The following RIOX2 variants were observed in gnomAD, a reference collection of about 807,000 sequenced individuals.
RIOX2 encodes ribosomal oxygenase 2.
Under a neutral mutation model 51.2 loss-of-function variants are expected in RIOX2, and 43 were observed. That is an observed-to-expected ratio of 0.84 (90% CI 0.66 to 1.08). The LOEUF (loss-of-function observed/expected upper bound fraction) is 1.08. Among genes scored for constraint, RIOX2 ranks in the 50% least tolerant of loss-of-function variants. The probability of loss-of-function intolerance (pLI) is 0.00; values close to 1 mark genes in which losing one functional copy is unlikely to be tolerated. For missense variants in RIOX2, 566 were observed against 561.7 expected (o/e 1.01, Z -0.08); for synonymous variants, 226 against 218.5 (o/e 1.03, Z -0.30).
rs995384936 is a variant in RIOX2 at position 97,945,182 on chromosome 3, C to CACTAG, written c.1395_*1dup. On this transcript the variant is annotated 3_prime_UTR_variant, in exon 10 of 10. Transcript: ENST00000394198. The stretch of plus-strand genomic sequence containing the variant: ...TAGTAGGCATTTGATTCTGCAAAGG[C>CACTAG]ACTAGACTACTTGAATTAAACATTC... 50 of 1,607,602 alleles carry CACTAG rather than the reference C, an allele frequency of 3.1e-5. No individual in the cohort carries two copies. The highest frequency in any genetic ancestry group is 4.2e-5 in the Non-Finnish European group (50 of 1,177,174).
At chr3:97,958,659 T>C (rs532390261) in intron 4 of RIOX2, among the ~76,000 whole-genome samples, 1 of 152,338 alleles carries the variant, frequency 6.6e-6, no homozygotes, top group South Asian at 2.1e-4. Flanking sequence ...GGCTATGTTC[T>C]GCCTAAGCAA....
chr3:97,948,689 C>T (rs1705108991), intron 7 of RIOX2, among the ~76,000 whole-genome samples: 1 of 152,180 alleles, frequency 6.6e-6, no homozygotes, highest in African/African-American at 2.4e-5. Context: ...CTTCCATTTC[C>T]TGACAGCATC....
At chr3:97,971,447 T>C (rs1706127586) in intron 1 of RIOX2, 1 of 152,360 alleles carries the variant, frequency 6.6e-6, no homozygotes, top group African/African-American at 2.4e-5. Context: ...TGTAACAAGG[T>C]TGCCCAGACT....
At chr3:97,957,143 C>A (rs967911198) in intron 4 of RIOX2, among the ~76,000 whole-genome samples, 2 of 152,160 alleles carry the variant, frequency 1.3e-5, no homozygotes, top group African/African-American at 4.8e-5. Context: ...AGCCACTAAG[C>A]CTTTCTATTT....
At chr3:97,948,039 G>A (rs1358577510) in intron 7 of RIOX2, among the ~76,000 whole-genome samples, 3 of 152,136 alleles carry the variant, frequency 2.0e-5, no homozygotes, top group Non-Finnish European at 4.4e-5. Flanking sequence ...ATCTGCGTGG[G>A]GAAGGAGTCG....
chr3:97,945,903 A>G lies in RIOX2; in HGVS notation c.1150-16T>C, dbSNP rs1489904149. On this transcript the variant is annotated splice_polypyrimidine_tract_variant and intron_variant, in intron 8 of 9. Transcript: ENST00000394198. The stretch of plus-strand genomic sequence containing the variant: ...GAGCTTCATCCTTTGGGGAAAAAAT[A>G]AATGCATTAGGCCATCAACAACACA... 1 of 1,564,888 alleles carries G rather than the reference A, an allele frequency of 6.4e-7. No individual in the cohort carries two copies. The highest frequency in any genetic ancestry group is 1.3e-5 in the African/African-American group (1 of 74,316).
chr3:97,972,313 G>T (rs986499661), intron 1 of RIOX2, 68 bp downstream of exon 1: 1 of 152,012 alleles, frequency 6.6e-6, no homozygotes, highest in Non-Finnish European at 1.5e-5. Context: ...AGCAGCGCGC[G>T]CCCCGCGGGA....
intron 7 of RIOX2, among the ~76,000 whole-genome samples, chr3:97,948,796 A>G (rs1481862950): frequency 6.6e-6 from 1 of 152,090 alleles, no homozygotes; most frequent in East Asian, 1.9e-4. Context: ...TTTTACTGAG[A>G]TGCCCTGCAG....
At position 97,943,131 on chromosome 3, in the gene RIOX2, C is replaced by T; in HGVS notation, c.*2053G>A. The stretch of plus-strand genomic sequence containing the variant: ...CTTTGTAAATGACACATTCATCCAC[C>T]GAAATGGTGAGCTGAACAGAAGCTT... On this transcript the variant is annotated 3_prime_UTR_variant, in exon 10 of 10. Transcript: ENST00000394198. The T allele has an allele frequency of 1.5e-6, 1 of 686,932 alleles. No individual in the cohort carries two copies. The highest frequency in any genetic ancestry group is 2.5e-6 in the Non-Finnish European group (1 of 396,630). The allele number at this position is 686,932 out of a possible 1,614,324, so 42.6% of individuals were successfully genotyped here.
At chr3:97,962,332 G>T (rs1487362502) in intron 2 of RIOX2, among the ~76,000 whole-genome samples, 1 of 145,816 alleles carries the variant, frequency 6.9e-6, no homozygotes, top group African/African-American at 2.5e-5. Flanking sequence ...TTTATATTAG[G>T]AATGTTAAGT....
intron 2 of RIOX2, among the ~76,000 whole-genome samples, chr3:97,964,284 C>T (rs1017020586): frequency 1.3e-5 from 2 of 152,172 alleles, no homozygotes; most frequent in African/African-American, 4.8e-5. Context: ...AATTTCAATA[C>T]ATCTTTCAAA....
chr3:97,966,470 C>T (rs549411756), intron 2 of RIOX2, among the ~76,000 whole-genome samples: 111 of 152,346 alleles, frequency 7.3e-4, no homozygotes, highest in Middle Eastern at 3.4e-3. Context: ...ACTAAATCTG[C>T]ATTTTATAAA....
intron 1 of RIOX2, among the ~76,000 whole-genome samples, chr3:97,970,282 T>C (rs1004698938): frequency 1.6e-4 from 25 of 152,236 alleles, no homozygotes; most frequent in African/African-American, 6.0e-4. Context: ...TAAATTTCAC[T>C]ACCCATACTG....
Position 97,942,838 on chromosome 3 carries a change from A to G in RIOX2, c.*2346T>C, listed in dbSNP as rs973596774. On this transcript the variant is annotated 3_prime_UTR_variant, in exon 10 of 10. Transcript: ENST00000394198. ...AGGTATCAATTAACCTTGTTTTTGAATTCAGCAAGGTCAGGGCCAATATTA... is the reference window on the plus strand; with the variant it reads ...AGGTATCAATTAACCTTGTTTTTGAGTTCAGCAAGGTCAGGGCCAATATTA... 9.3e-6 allele frequency: 2 copies of G among 214,668 alleles called. No homozygotes were observed. Among genetic ancestry groups the G allele is most frequent in the East Asian group, 1.3e-4 (1 of 7,570 alleles). The allele number at this position is 214,668 out of a possible 1,614,324, so 13.3% of individuals were successfully genotyped here. A position where few individuals can be genotyped will look rare whatever the true frequency, so the allele number is the denominator to read the frequency against.
At chr3:97,967,821 G>A (rs956441253) in intron 1 of RIOX2, among the ~76,000 whole-genome samples, 189 bp from the exon 2 acceptor site, 14 of 152,154 alleles carry the variant, frequency 9.2e-5, no homozygotes, top group African/African-American at 3.4e-4. Context: ...TATGATTCAA[G>A]CTCAACCACC....
chr3:97,961,649 C>T lies in RIOX2; in HGVS notation c.492G>A (p.Ser164=), dbSNP rs112696353. The change falls in exon 3 of 10, where the codon TCG becomes TCA. Residue 164 remains serine (S), a synonymous_variant. Transcript: ENST00000394198. ...ATCCTGCGGGAGTTATGTACACATTCGAGCCAACCAAGGAGCCAAAGTAAC... is the reference window on the plus strand; with the variant it reads ...ATCCTGCGGGAGTTATGTACACATTTGAGCCAACCAAGGAGCCAAAGTAAC... ...LECYFGSLVG[S]NVYITPAGSQ... is the part of the protein sequence containing the mutation. The T allele has an allele frequency of 1.4e-5, 22 of 1,612,618 alleles. 1 individual carries two copies. Among genetic ancestry groups the T allele is most frequent in the African/African-American group, 4.0e-5 (3 of 74,920 alleles).
intron 4 of RIOX2, among the ~76,000 whole-genome samples, chr3:97,956,434 T>C (rs1420070161): frequency 1.3e-5 from 2 of 152,180 alleles, no homozygotes; most frequent in Non-Finnish European, 2.9e-5. Context: ...ACCATTGAGT[T>C]TGTGGTAATT....
At chr3:97,959,933 T>A (rs1011799627) in intron 3 of RIOX2, among the ~76,000 whole-genome samples, 11 of 152,196 alleles carry the variant, frequency 7.2e-5, no homozygotes, top group Non-Finnish European at 8.8e-5. Flanking sequence ...TGAATAAAAT[T>A]AACTTTAGTA....
intron 4 of RIOX2, among the ~76,000 whole-genome samples, chr3:97,954,708 A>G (rs926359839): frequency 1.3e-5 from 2 of 152,028 alleles, no homozygotes; most frequent in Non-Finnish European, 2.9e-5. Flanking sequence ...ATGATCCACG[A>G]GAGGCTCTCG....
Sources: gnomAD v4.1 joint callset for allele counts (sites outside exome capture counted in the v4.1 genomes callset) on GRCh38, gnomAD v4.1.1 for gene constraint, MANE v1.5 for transcripts, NCBI Gene and HGNC (gene_info 2026-07-23, HGNC 2026-07-21) for gene names.